Variants in ADGRG7 observed in about 807,000 individuals in gnomAD.
ADGRG7 encodes the protein G-protein coupled receptor 128.
In ADGRG7, 82 loss-of-function variants were observed where a neutral mutation model predicts 88.6. That is an observed-to-expected ratio of 0.93 (90% CI 0.77 to 1.11). The LOEUF is 1.11. ADGRG7 is among the 50% of genes most tolerant of loss of function. ADGRG7 has a pLI of 0.00. For synonymous variants in ADGRG7, 381 were observed against 345.2 expected (o/e 1.10, Z -1.15); for missense variants, 945 against 953.4 (o/e 0.99, Z 0.12).
At chr3:100,685,335 G>C (rs908557089) in intron 15 of ADGRG7, among the ~76,000 whole-genome samples, 1 of 152,024 alleles carries the variant, frequency 6.6e-6, no homozygotes, top group Admixed American at 6.6e-5. Flanking sequence ...AGCCTGAGAA[G>C]GAACTAAAAT....
intron 11 of ADGRG7, 122 bp from the exon 12 acceptor site, chr3:100,654,713 G>A: frequency 1.6e-6 from 1 of 610,080 alleles, no homozygotes; most frequent in East Asian, 2.8e-5. Flanking sequence ...GTCACAACTG[G>A]GCTATGAACT....
At chr3:100,643,177 A>T (rs1043635629) in intron 6 of ADGRG7, 89 bp from the exon 7 acceptor site, 2 of 1,147,080 alleles carry the variant, frequency 1.7e-6, no homozygotes, top group Non-Finnish European at 2.5e-6. Context: ...TTCTATGCTC[A>T]TGTCTTTCTG....
At chr3:100,647,643 C>G (rs1382532640) in intron 10 of ADGRG7, among the ~76,000 whole-genome samples, 1 of 152,136 alleles carries the variant, frequency 6.6e-6, no homozygotes, top group Non-Finnish European at 1.5e-5. Context: ...CTTGTGCTGA[C>G]CTTTGTAAGA....
At chr3:100,611,186 G>A (rs1332030434) in intron 1 of ADGRG7, among the ~76,000 whole-genome samples, 1 of 152,128 alleles carries the variant, frequency 6.6e-6, no homozygotes, top group African/African-American at 2.4e-5. Context: ...CATTAAGGCT[G>A]CCAAATTTAT....
At chr3:100,692,302 T>C (rs554458358) in intron 15 of ADGRG7, among the ~76,000 whole-genome samples, 1 of 152,342 alleles carries the variant, frequency 6.6e-6, no homozygotes, top group Admixed American at 6.5e-5. Context: ...TTTACAGGGA[T>C]ATAACTCAGT....
At chr3:100,626,672 C>G (rs1707384866) in intron 1 of ADGRG7, among the ~76,000 whole-genome samples, 1 of 152,134 alleles carries the variant, frequency 6.6e-6, no homozygotes, top group Admixed American at 6.5e-5. Flanking sequence ...GTAGTCCCAG[C>G]TACTCGGGAG....
chr3:100,674,175 C>T (rs2094962066), intron 15 of ADGRG7, among the ~76,000 whole-genome samples: 1 of 152,162 alleles, frequency 6.6e-6, no homozygotes, highest in South Asian at 2.1e-4. Flanking sequence ...CAGTACTATG[C>T]TGTTTTCATT....
Position 100,695,214 on chromosome 3 carries a change from G to A in ADGRG7, c.*213G>A. ...TAGATTTGTACTTGAATAAGGTGAA[G>A]AATTTCACACAACATACAAGAGTAC... is the stretch of plus-strand genomic sequence containing the variant. On this transcript the variant is annotated 3_prime_UTR_variant, in exon 16 of 16. Transcript: ENST00000273352. 1.8e-6 allele frequency: 1 copy of A among 541,172 alleles called. No homozygotes were observed. Among genetic ancestry groups the A allele is most frequent in the Non-Finnish European group, 3.2e-6 (1 of 308,776 alleles). The allele number at this position is 541,172 out of a possible 1,614,324, so 33.5% of individuals were successfully genotyped here. A position where few individuals can be genotyped will look rare whatever the true frequency, so the allele number is the denominator to read the frequency against.
At chr3:100,635,532 G>A in intron 4 of ADGRG7, 145 bp from the exon 5 acceptor site, 1 of 1,450,772 alleles carries the variant, frequency 6.9e-7, no homozygotes, top group East Asian at 2.4e-5. Context: ...ACACAAGGAA[G>A]GATGCAAACG....
chr3:100,691,590 A>G (rs1332183592), intron 15 of ADGRG7, among the ~76,000 whole-genome samples: 2 of 151,762 alleles, frequency 1.3e-5, no homozygotes, highest in Admixed American at 1.3e-4. Flanking sequence ...TGCAAATAGT[A>G]TGGAGAATTC....
chr3:100,626,694 A>G (rs1441484261), intron 1 of ADGRG7, among the ~76,000 whole-genome samples: 2 of 152,208 alleles, frequency 1.3e-5, no homozygotes, highest in Non-Finnish European at 2.9e-5. Flanking sequence ...CTGAGGTAGA[A>G]GAATCGCTTG....
chr3:100,649,223 T>C (rs976775783), intron 10 of ADGRG7, among the ~76,000 whole-genome samples: 6 of 152,240 alleles, frequency 3.9e-5, no homozygotes, highest in Admixed American at 3.9e-4. Flanking sequence ...CCACTTAATA[T>C]GTGGATTGTT....
At position 100,681,304 on chromosome 3, in the gene ADGRG7, TC is replaced by T. The variant is rs1486389983; in HGVS notation, c.2136+12200del. On this transcript the variant is annotated intron_variant, in intron 15 of 15. Coordinates refer to ENST00000273352, the MANE Select transcript of ADGRG7 (RefSeq NM_032787.3). Reference sequence around the variant, plus strand: ...TGTTATTGAAAGACATCTTTTCTTTTCTTTTTTTTTTTTTTCTTTTTTTTGA... The same window carrying T: ...TGTTATTGAAAGACATCTTTTCTTTTTTTTTTTTTTTTTTCTTTTTTTTGA... Among the ~76,000 whole-genome samples, 455 of 150,712 alleles carry T rather than the reference TC, an allele frequency of 3.0e-3. 4 individuals are homozygous for T. The highest frequency in any genetic ancestry group is 4.7e-3 in the Non-Finnish European group (318 of 67,794).
At chr3:100,658,228 A>G (rs2094940228) in intron 13 of ADGRG7, among the ~76,000 whole-genome samples, 1 of 152,196 alleles carries the variant, frequency 6.6e-6, no homozygotes, top group African/African-American at 2.4e-5. Context: ...TTACTTTTAA[A>G]TATATCAGGA....
chr3:100,633,000 C>G (rs938532009), intron 3 of ADGRG7, among the ~76,000 whole-genome samples: 1 of 152,104 alleles, frequency 6.6e-6, no homozygotes, highest in South Asian at 2.1e-4. Context: ...CTAGCATTCT[C>G]TCATCATATC....
intron 1 of ADGRG7, among the ~76,000 whole-genome samples, chr3:100,623,920 T>C (rs1307206144): frequency 6.6e-6 from 1 of 152,230 alleles, no homozygotes; most frequent in African/African-American, 2.4e-5. Flanking sequence ...ATGGTGTATA[T>C]GTACCAAATT....
chr3:100,610,114 C>T (rs1409232556), intron 1 of ADGRG7, 143 bp downstream of exon 1: 7 of 619,098 alleles, frequency 1.1e-5, no homozygotes, highest in Non-Finnish European at 2.1e-5. Flanking sequence ...TATAAAAGAC[C>T]AAGTCAGTTA....
At position 100,643,566 on chromosome 3, in the gene ADGRG7, T is replaced by A. The variant is rs747305307; in HGVS notation, c.879T>A (p.His293Gln). Residue 293 changes from histidine (H) to glutamine (Q), a missense_variant, in exon 8 of 16, where the codon CAT (histidine) becomes CAA (glutamine). Transcript: ENST00000273352. The part of the protein sequence containing the change: ...SSLVSSSTFI[H>Q]TNVDGLNPDA... ...TAGTTTCTAGTTCAACATTTATACA[T>A]ACAAATGTGGATGGCCTTAACCCAG... 6.2e-7 allele frequency: 1 copy of A among 1,613,880 alleles called. No homozygotes were observed. Among genetic ancestry groups the A allele is most frequent in the Admixed American group, 1.7e-5 (1 of 59,992 alleles).
At chr3:100,644,825 C>T (rs1052857658) in intron 8 of ADGRG7, among the ~76,000 whole-genome samples, 2 of 152,140 alleles carry the variant, frequency 1.3e-5, no homozygotes, top group African/African-American at 4.8e-5. Flanking sequence ...GCCACTCTGC[C>T]TAGTCTCATT....
Sources: gnomAD v4.1 joint callset for allele counts (sites outside exome capture counted in the v4.1 genomes callset) on GRCh38, gnomAD v4.1.1 for gene constraint, MANE v1.5 for transcripts, NCBI Gene and HGNC (gene_info 2026-07-23, HGNC 2026-07-21) for gene names.